Variants in DNAJC11 observed in about 807,000 individuals in gnomAD.
DNAJC11 encodes the protein DnaJ heat shock protein family (Hsp40) member C11, also known as dnaJ homolog subfamily C member 11.
Under a neutral mutation model 78.6 loss-of-function variants are expected in DNAJC11, and 15 were observed. The observed-to-expected ratio is 0.19, with a 90% CI of 0.13 to 0.29. The LOEUF (loss-of-function observed/expected upper bound fraction) is 0.29. Ranked by LOEUF, DNAJC11 falls within the 10% of genes least tolerant of loss-of-function variation. The probability of loss-of-function intolerance (pLI) is 1.00; values close to 1 mark genes in which losing one functional copy is unlikely to be tolerated. For synonymous variants in DNAJC11, 292 were observed against 272.1 expected (o/e 1.07, Z -0.72); for missense variants, 547 against 709.6 (o/e 0.77, Z 2.60).
At chr1:6,668,580 G>A (rs576672506) in intron 3 of DNAJC11, among the ~76,000 whole-genome samples, 2 of 152,196 alleles carry the variant, frequency 1.3e-5, no homozygotes, top group African/African-American at 4.8e-5. Flanking sequence ...CAAGGATCTC[G>A]AGCTGTCGGG....
In DNAJC11 at chr1:6,654,948, G is replaced by A. The variant is rs149689709; in HGVS notation, c.379-909C>T. On this transcript the variant is annotated intron_variant, in intron 4 of 15. Coordinates refer to ENST00000377577, the MANE Select transcript of DNAJC11 (RefSeq NM_018198.4). The stretch of plus-strand genomic sequence containing the variant: ...CGAGTAGCTGGGACTACAGGCGCAC[G>A]CCACCATGCCCAGTTAATTTTTGTA... 3.7e-3 allele frequency among the ~76,000 whole-genome samples: 559 copies of A among 152,128 alleles called. 6 individuals carry two copies. Among genetic ancestry groups the A allele is most frequent in the African/African-American group, 0.01 (427 of 41,514 alleles).
At chr1:6,640,276 G>A (rs1485405002) in intron 10 of DNAJC11, among the ~76,000 whole-genome samples, 2 of 152,138 alleles carry the variant, frequency 1.3e-5, no homozygotes, top group African/African-American at 4.8e-5. Context: ...AAAGATCCCA[G>A]TGTCTGCTGA....
intron 1 of DNAJC11, among the ~76,000 whole-genome samples, chr1:6,686,345 T>G (rs1187280743): frequency 6.6e-6 from 1 of 152,158 alleles, no homozygotes; most frequent in African/African-American, 2.4e-5. Context: ...TGTAAAGGAA[T>G]CCTAACACCA....
intron 12 of DNAJC11, chr1:6,638,045 A>G (rs1641812886): frequency 2.3e-6 from 1 of 435,890 alleles, no homozygotes. Flanking sequence ...AGTAAAAGGC[A>G]GAACACTCAG....
chr1:6,653,819 C>G lies in DNAJC11; in HGVS notation c.507+92G>C, dbSNP rs954124128. ...CTTTCATAAATAAAGATGAGAAAAACCCTGGGCAGACTCTCATTCCAGCTG... is the reference window on the plus strand; with the variant it reads ...CTTTCATAAATAAAGATGAGAAAAAGCCTGGGCAGACTCTCATTCCAGCTG... On this transcript the variant is annotated intron_variant, in intron 5 of 15. Transcript: ENST00000377577. The surrounding 1 kb of genome is among the most constrained non-coding windows in gnomAD (Gnocchi z 4.5). 67 of 1,497,034 alleles carry G rather than the reference C, an allele frequency of 4.5e-5. No homozygotes were observed. The highest frequency in any genetic ancestry group is 5.7e-5 in the Non-Finnish European group (63 of 1,096,772). 92.7% of individuals were successfully genotyped at this position (1,497,034 alleles called of 1,614,324 possible).
At position 6,691,664 on chromosome 1, in the gene DNAJC11, T is replaced by C. The variant is rs565791626; in HGVS notation, c.72+10065A>G. Among the ~76,000 whole-genome samples, 3 of 152,318 alleles carry C rather than the reference T, an allele frequency of 2.0e-5. No homozygotes were observed. The South Asian group carries it at 6.2e-4, about 32-fold the overall frequency. On this transcript the variant is annotated intron_variant, in intron 1 of 15. Coordinates refer to ENST00000377577, the MANE Select transcript of DNAJC11 (RefSeq NM_018198.4). ...GGCATTTTACTGCTGAAGAATTTTC[T>C]GGCTCCTGTCAACTAGGGAGGGTAG... is the stretch of plus-strand genomic sequence containing the variant.
At chr1:6,648,577 A>G (rs943297789) in intron 7 of DNAJC11, among the ~76,000 whole-genome samples, 3 of 151,582 alleles carry the variant, frequency 2.0e-5, no homozygotes, top group African/African-American at 7.3e-5. Context: ...CCACCTCAGC[A>G]TCCCAAGTAG....
chr1:6,684,280 T>C (rs969316004), intron 1 of DNAJC11, among the ~76,000 whole-genome samples: 1 of 152,108 alleles, frequency 6.6e-6, no homozygotes. Context: ...TGGGATTTCA[T>C]CGTGTTGGCC....
intron 1 of DNAJC11, among the ~76,000 whole-genome samples, chr1:6,693,436 A>G (rs1017930363): frequency 1.3e-5 from 2 of 152,058 alleles, no homozygotes; most frequent in Non-Finnish European, 2.9e-5. Flanking sequence ...GCTGGAGTGC[A>G]GTGGTGGTGC....
At position 6,634,332 on chromosome 1, in the gene DNAJC11, C is replaced by A; in HGVS notation, c.*1343G>T. Reference sequence around the variant, plus strand: ...CTCACCGCGGCTCGGGCCGTGGGGCCGTCAGAGAAACCTTTTTAAAAAATG... The same window carrying A: ...CTCACCGCGGCTCGGGCCGTGGGGCAGTCAGAGAAACCTTTTTAAAAAATG... On this transcript the variant is annotated 3_prime_UTR_variant, in exon 16 of 16. Transcript: ENST00000377577. 9.4e-7 allele frequency: 1 copy of A among 1,059,174 alleles called. No individual in the cohort carries two copies. Among genetic ancestry groups the A allele is most frequent in the Non-Finnish European group, 1.3e-6 (1 of 766,158 alleles). 65.6% of individuals were successfully genotyped at this position (1,059,174 alleles called of 1,614,324 possible).
Position 6,644,681 on chromosome 1 carries a change from G to A in DNAJC11, c.981-7C>T, listed in dbSNP as rs773240472. 34 of 1,612,078 alleles carry A rather than the reference G, an allele frequency of 2.1e-5. No individual in the cohort carries two copies. Among genetic ancestry groups the A allele is most frequent in the Non-Finnish European group, 2.7e-5 (32 of 1,178,270 alleles). ...CGTCCCAAAGAAGCCTGCTCTGCAG[G>A]GAGAGAACGCGGTCTGTGCCTGTGC... On this transcript the variant is annotated splice_region_variant and splice_polypyrimidine_tract_variant and intron_variant, in intron 9 of 15. Transcript: ENST00000377577.
At chr1:6,694,080 C>T (rs1282151088) in intron 1 of DNAJC11, among the ~76,000 whole-genome samples, 1 of 152,106 alleles carries the variant, frequency 6.6e-6, no homozygotes, top group African/African-American at 2.4e-5. Flanking sequence ...AAGTGATCCG[C>T]TGGCCTCAGC....
chr1:6,663,688 C>T (rs894381007), intron 4 of DNAJC11, among the ~76,000 whole-genome samples: 4 of 152,258 alleles, frequency 2.6e-5, no homozygotes, highest in South Asian at 2.1e-4. Context: ...CTCTCCCTGA[C>T]GCCAGTTCAA....
chr1:6,701,110 G>T (rs925201462), intron 1 of DNAJC11, among the ~76,000 whole-genome samples: 2 of 152,184 alleles, frequency 1.3e-5, no homozygotes, highest in African/African-American at 2.4e-5. Flanking sequence ...TTCCTAATCT[G>T]CAGCCTCCGA....
intron 1 of DNAJC11, among the ~76,000 whole-genome samples, chr1:6,697,099 T>C (rs1385164721): frequency 2.0e-5 from 3 of 152,212 alleles, no homozygotes; most frequent in Non-Finnish European, 4.4e-5. Context: ...AGGAACCAGA[T>C]GATGCATCTA....
intron 3 of DNAJC11, among the ~76,000 whole-genome samples, chr1:6,673,658 T>C (rs1419077019): frequency 6.6e-6 from 1 of 152,198 alleles, no homozygotes; most frequent in Non-Finnish European, 1.5e-5. Flanking sequence ...CCAACATTAA[T>C]ACATTTCTAC....
chr1:6,692,513 T>G (rs1475694722), intron 1 of DNAJC11, among the ~76,000 whole-genome samples: 1 of 151,888 alleles, frequency 6.6e-6, no homozygotes. Flanking sequence ...CCTATCCCCA[T>G]GTCAACTTTC....
chr1:6,652,211 T>C (rs1249063610), intron 6 of DNAJC11, among the ~76,000 whole-genome samples: 1 of 152,220 alleles, frequency 6.6e-6, no homozygotes, highest in Non-Finnish European at 1.5e-5. Flanking sequence ...AACTGGCTGT[T>C]AAATGGCCAC....
chr1:6,644,732 C>G, intron 9 of DNAJC11, 58 bp from the exon 10 acceptor site: 1 of 1,451,360 alleles, frequency 6.9e-7, no homozygotes, highest in Non-Finnish European at 9.7e-7. Flanking sequence ...TCAGGGGCAG[C>G]TGTCATTTGA....
Sources: allele counts gnomAD v4.1 joint callset (sites outside exome capture counted in the v4.1 genomes callset), GRCh38; gene constraint gnomAD v4.1.1; non-coding constraint Gnocchi (gnomAD v3.1); transcripts MANE v1.5; gene names NCBI Gene and HGNC (gene_info 2026-07-23, HGNC 2026-07-21).